CACNA2D2: variants seen among roughly 807,000 people sequenced by gnomAD.
The protein encoded by CACNA2D2 is voltage-dependent calcium channel subunit alpha-2/delta-2.
In CACNA2D2, 48 loss-of-function variants were observed where a neutral mutation model predicts 166.4. That is an observed-to-expected ratio of 0.29 (90% confidence interval 0.23 to 0.37). The LOEUF (loss-of-function observed/expected upper bound fraction) is 0.37. Ranked by LOEUF, CACNA2D2 falls within the 10% of genes least tolerant of loss-of-function variation. The probability of loss-of-function intolerance (pLI) is 1.00; values close to 1 mark genes in which losing one functional copy is unlikely to be tolerated. For missense variants in CACNA2D2, 1,122 were observed against 1,433.0 expected, an observed-to-expected ratio of 0.78 and a Z score of 3.50; for synonymous variants, 561 against 573.7, an observed-to-expected ratio of 0.98 and a Z score of 0.32.
At position 50,387,383 on chromosome 3, in the gene CACNA2D2, A is replaced by G. The variant is rs7644782; in HGVS notation, c.510+185T>C. On this transcript the variant is annotated intron_variant, in intron 5 of 37. Coordinates refer to ENST00000424201, the MANE Select transcript of CACNA2D2 (RefSeq NM_006030.4). ...GCAGTCAAGCTCAGCCCACTAGTGCACAGAGATGCAGCCCTGGAGGGGTCC... is the reference window on the plus strand; with the variant it reads ...GCAGTCAAGCTCAGCCCACTAGTGCGCAGAGATGCAGCCCTGGAGGGGTCC... Among the ~76,000 whole-genome samples, 5,412 of 152,262 alleles carry G rather than the reference A, an allele frequency of 0.036. 344 individuals are homozygous for G. Among genetic ancestry groups the G allele is most frequent in the African/African-American group, 0.12 (5,173 of 41,534 alleles).
Position 50,367,248 on chromosome 3 carries a change from A to G in CACNA2D2, c.2402-139T>C. 1.0e-6 allele frequency: 1 copy of G among 985,276 alleles called. No homozygotes were observed. The highest frequency in any genetic ancestry group is 1.6e-6 in the Non-Finnish European group (1 of 636,526). The allele number at this position is 985,276 out of a possible 1,614,324, so 61.0% of individuals were successfully genotyped here. A position where few individuals can be genotyped will look rare whatever the true frequency, so the allele number is the denominator to read the frequency against. ...CAGCACTCAGGACAGTGTTTGGCAC[A>G]GTCTATCCCTCTTTTCACGTCTGCC... On this transcript the variant is annotated intron_variant, in intron 27 of 37. Coordinates refer to ENST00000424201, the MANE Select transcript of CACNA2D2 (RefSeq NM_006030.4). The surrounding 1 kb of genome is among the most constrained non-coding windows in gnomAD (Gnocchi z 6.5).
At position 50,366,512 on chromosome 3, in the gene CACNA2D2, G is replaced by A. The variant is rs587680865; in HGVS notation, c.2637+66C>T. On this transcript the variant is annotated intron_variant, in intron 30 of 37. Transcript: ENST00000424201. This position sits in a 1 kb window ranked among gnomAD's most constrained non-coding sequence, Gnocchi z 5.9. ...GGCCAAGGGATGTGCTGGGAGTCGCGGCTGGGACTAGGAAGTCTGGAAGTG... is the reference window on the plus strand; with the variant it reads ...GGCCAAGGGATGTGCTGGGAGTCGCAGCTGGGACTAGGAAGTCTGGAAGTG... 44 of 1,567,058 alleles carry A rather than the reference G, an allele frequency of 2.8e-5. No individual in the cohort carries two copies. Among genetic ancestry groups the A allele is most frequent in the South Asian group, 1.8e-4 (16 of 90,188 alleles).
At chr3:50,394,369 G>A (rs771336926) in intron 3 of CACNA2D2, among the ~76,000 whole-genome samples, 7 of 152,146 alleles carry the variant, frequency 4.6e-5, no homozygotes, top group Non-Finnish European at 1.0e-4. Flanking sequence ...GACCACAGCT[G>A]GGTCCATGCA....
intron 4 of CACNA2D2, among the ~76,000 whole-genome samples, chr3:50,389,416 C>T (rs931628575): frequency 2.6e-5 from 4 of 152,084 alleles, no homozygotes; most frequent in African/African-American, 7.2e-5. Flanking sequence ...TCTTTCCCTC[C>T]GTAATGAAAG....
chr3:50,420,566 C>T (rs1362881950), intron 3 of CACNA2D2, among the ~76,000 whole-genome samples: 1 of 152,202 alleles, frequency 6.6e-6, no homozygotes, highest in Non-Finnish European at 1.5e-5. Context: ...TGTGCATAGT[C>T]CACAGCCCCT....
chr3:50,485,797 T>C (rs560275687), intron 1 of CACNA2D2, among the ~76,000 whole-genome samples: 12 of 152,318 alleles, frequency 7.9e-5, no homozygotes, highest in East Asian at 5.8e-4. Context: ...CAGTTTTCAC[T>C]GTTTGATAAT....
rs1404740682 is a variant in CACNA2D2, at chr3:50,367,135, A to G, written c.2402-26T>C. 1 of 1,577,560 alleles carries G rather than the reference A, an allele frequency of 6.3e-7. No homozygotes were observed. Among genetic ancestry groups the G allele is most frequent in the Admixed American group, 1.7e-5 (1 of 59,454 alleles). Reference sequence around the variant, plus strand: ...CTGGGGGTTGGGTGGGGAAGTCAGGAGTGGGGTCTGGCGGCCACACTGACC... The same window carrying G: ...CTGGGGGTTGGGTGGGGAAGTCAGGGGTGGGGTCTGGCGGCCACACTGACC... On this transcript the variant is annotated intron_variant, in intron 27 of 37. Transcript: ENST00000424201. This position sits in a 1 kb window ranked among gnomAD's most constrained non-coding sequence, Gnocchi z 6.5.
Position 50,366,501 on chromosome 3 carries a change from C to A in CACNA2D2, c.2637+77G>T. The A allele has an allele frequency of 6.5e-7, 1 of 1,542,960 alleles. No homozygotes were observed. The highest frequency in any genetic ancestry group is 9.0e-7 in the Non-Finnish European group (1 of 1,115,404). ...TGAGACCCACAGGCCAAGGGATGTG[C>A]TGGGAGTCGCGGCTGGGACTAGGAA... On this transcript the variant is annotated intron_variant, in intron 30 of 37. Transcript: ENST00000424201. This position sits in a 1 kb window ranked among gnomAD's most constrained non-coding sequence, Gnocchi z 5.9.
intron 1 of CACNA2D2, among the ~76,000 whole-genome samples, chr3:50,499,051 C>T (rs974957853): frequency 1.1e-4 from 16 of 152,206 alleles, no homozygotes; most frequent in African/African-American, 3.9e-4. Flanking sequence ...CACCATTAGC[C>T]TGGAGACGTC....
intron 3 of CACNA2D2, among the ~76,000 whole-genome samples, chr3:50,428,267 G>A (rs904536853): frequency 9.2e-5 from 14 of 152,188 alleles, no homozygotes; most frequent in African/African-American, 3.1e-4. Flanking sequence ...CGCAAAGCAG[G>A]ATGCAGCTCA....
chr3:50,363,300 A>T lies in CACNA2D2; in HGVS notation c.*1366T>A, dbSNP rs1049315154. 2 of 398,576 alleles carry T rather than the reference A, an allele frequency of 5.0e-6. No homozygotes were observed. Among genetic ancestry groups the T allele is most frequent in the Non-Finnish European group, 8.8e-6 (2 of 226,062 alleles). 24.7% of individuals were successfully genotyped at this position (398,576 alleles called of 1,614,324 possible). Reference sequence around the variant, plus strand: ...GAAAGCGACAAGCAACATGACATTAATTAACGAAGCCATTAATTAATGCAT... The same window carrying T: ...GAAAGCGACAAGCAACATGACATTATTTAACGAAGCCATTAATTAATGCAT... On this transcript the variant is annotated 3_prime_UTR_variant, in exon 38 of 38. Coordinates refer to ENST00000424201, the MANE Select transcript of CACNA2D2 (RefSeq NM_006030.4).
chr3:50,401,619 T>C (rs1424036684), intron 3 of CACNA2D2, among the ~76,000 whole-genome samples: 1 of 152,192 alleles, frequency 6.6e-6, no homozygotes, highest in Non-Finnish European at 1.5e-5. Context: ...CCTTGCTATG[T>C]TGTATTTTGC....
At chr3:50,476,915 CT>C (rs754976759) in intron 1 of CACNA2D2, among the ~76,000 whole-genome samples, 3 of 148,998 alleles carry the variant, frequency 2.0e-5, no homozygotes, top group Non-Finnish European at 4.5e-5. Flanking sequence ...TGGGATTGCT[CT>C]TTGTTTCTTT....
chr3:50,366,607 A>G lies in CACNA2D2; in HGVS notation c.2608T>C (p.Cys870Arg), dbSNP rs587762456. The change falls in exon 30 of 38, where the codon TGT becomes CGT. Residue 870 changes from cysteine to arginine, a missense_variant. Around this residue, in one of 2 missense-constraint regions of CACNA2D2, gnomAD observed 840 missense variants for 1,166.8 expected, o/e 0.72. Coordinates refer to ENST00000424201, the MANE Select transcript of CACNA2D2 (RefSeq NM_006030.4). This position sits in a 1 kb window ranked among gnomAD's most constrained non-coding sequence, Gnocchi z 5.9. ...QPQKCGPNSH[C>R]EMDCEVNNED... ...TTGTTAACCTCGCAGTCCATCTCAC[A>G]GTGGCTGTTGGGGCCGCACTGCTGG... 3 of 1,614,000 alleles carry G rather than the reference A, an allele frequency of 1.9e-6. No individual in the cohort carries two copies. The highest frequency in any genetic ancestry group is 1.7e-5 in the Admixed American group (1 of 60,026).
intron 3 of CACNA2D2, among the ~76,000 whole-genome samples, chr3:50,402,016 G>A (rs1706473830): frequency 6.6e-6 from 1 of 152,190 alleles, no homozygotes; most frequent in African/African-American, 2.4e-5. Context: ...TCCGGCCAAA[G>A]TGGACGTTTT....
At chr3:50,472,446 T>C (rs1050670847) in intron 2 of CACNA2D2, among the ~76,000 whole-genome samples, 15 of 152,152 alleles carry the variant, frequency 9.9e-5, no homozygotes, top group Admixed American at 9.8e-4. Flanking sequence ...TTCCTGCTTC[T>C]AGCCCAGCTC....
chr3:50,430,741 T>C (rs765391459), intron 3 of CACNA2D2, among the ~76,000 whole-genome samples: 4 of 152,262 alleles, frequency 2.6e-5, no homozygotes, highest in African/African-American at 4.8e-5. Context: ...AAGTCTGCTA[T>C]AAGAACTTAG....
At chr3:50,447,542 T>A (rs1708909743) in intron 2 of CACNA2D2, among the ~76,000 whole-genome samples, 1 of 152,086 alleles carries the variant, frequency 6.6e-6, no homozygotes, top group Non-Finnish European at 1.5e-5. Flanking sequence ...AACTGGGAGC[T>A]AGGTTCCCCC....
rs1326781831 is a variant in CACNA2D2, at chr3:50,440,205, G to A, written c.289-5776C>T. On this transcript the variant is annotated intron_variant, in intron 2 of 37. Transcript: ENST00000424201. ...ACACACCAGCCACGAGACTGGGTGT[G>A]TGACTGGCAGCTCCCCAGGAGGGGG... is the stretch of plus-strand genomic sequence containing the variant. Among the ~76,000 whole-genome samples, 6 of 152,324 alleles carry A rather than the reference G, an allele frequency of 3.9e-5. No individual in the cohort carries two copies. The East Asian group carries it at 1.2e-3, about 29-fold the overall frequency.
Sources: allele counts gnomAD v4.1 joint callset (sites outside exome capture counted in the v4.1 genomes callset), GRCh38; gene constraint gnomAD v4.1.1; regional missense constraint gnomAD v4.1.1; non-coding constraint Gnocchi (gnomAD v3.1); transcripts MANE v1.5; gene names NCBI Gene and HGNC (gene_info 2026-07-23, HGNC 2026-07-21).